Variants in PDE10A observed in about 807,000 individuals in gnomAD.
PDE10A encodes the protein cAMP and cAMP-inhibited cGMP 3',5'-cyclic phosphodiesterase 10A.
In PDE10A, 39 loss-of-function variants were observed where a neutral mutation model predicts 97.7. The ratio of observed to expected loss-of-function variants is 0.40; its 90% CI spans 0.31 to 0.52. PDE10A has a LOEUF of 0.52. Ranked by LOEUF, PDE10A falls within the 20% of genes least tolerant of loss-of-function variation. The pLI, the probability that PDE10A is intolerant of heterozygous loss-of-function variation, is 0.56. For missense variants in PDE10A, 731 were observed against 1,047.8 expected, an observed-to-expected ratio of 0.70 and a Z score of 4.17; for synonymous variants, 371 against 376.8, an observed-to-expected ratio of 0.98 and a Z score of 0.18.
chr6:165,496,313 T>C (rs1780534992), intron 2 of PDE10A, among the ~76,000 whole-genome samples: 1 of 152,132 alleles, frequency 6.6e-6, no homozygotes, highest in African/African-American at 2.4e-5. Flanking sequence ...TCTCAGAACT[T>C]TTCTATGCTC....
intron 1 of PDE10A, among the ~76,000 whole-genome samples, chr6:165,782,877 G>T (rs1484327779): frequency 6.6e-6 from 1 of 152,170 alleles, no homozygotes; most frequent in Non-Finnish European, 1.5e-5. Flanking sequence ...TGGGAACCGT[G>T]TGTGATTTTT....
rs369988978 is a variant in PDE10A, at chr6:165,423,903, C to A, written c.1653+4755G>T. ...GCTTGTCTGAAAATAATAAATCTTCCGTATTATAAAAAAGATCCTCAAAAA... is the reference window on the plus strand; with the variant it reads ...GCTTGTCTGAAAATAATAAATCTTCAGTATTATAAAAAAGATCCTCAAAAA... On this transcript the variant is annotated intron_variant, in intron 10 of 21. Coordinates refer to ENST00000539869, the MANE Select transcript of PDE10A (RefSeq NM_001385079.1). Among the ~76,000 whole-genome samples, 5 of 152,008 alleles carry A rather than the reference C, an allele frequency of 3.3e-5. No individual in the cohort carries two copies. In the East Asian group the frequency reaches 9.7e-4, roughly 29 times the overall value.
upstream of PDE10A, among the ~76,000 whole-genome samples, chr6:165,665,221 C>T (rs2128434339): frequency 6.6e-6 from 1 of 152,358 alleles, no homozygotes; most frequent in Admixed American, 6.5e-5. Flanking sequence ...ACGTTTGTTA[C>T]TGTAAGTCTC....
intron 1 of PDE10A, among the ~76,000 whole-genome samples, chr6:165,901,912 G>A (rs1001788401): frequency 1.3e-5 from 2 of 152,118 alleles, no homozygotes; most frequent in African/African-American, 4.8e-5. Context: ...GACATTAGCT[G>A]ATCTGATATG....
At chr6:165,636,709 A>G (rs1788895919) in intron 1 of PDE10A, among the ~76,000 whole-genome samples, 1 of 152,224 alleles carries the variant, frequency 6.6e-6, no homozygotes, top group South Asian at 2.1e-4. Flanking sequence ...CTGTTTATGC[A>G]TCTGCCCGAA....
At chr6:165,708,373 T>G (rs980439521) in intron 1 of PDE10A, among the ~76,000 whole-genome samples, 5 of 152,034 alleles carry the variant, frequency 3.3e-5, no homozygotes, top group Admixed American at 3.3e-4. Context: ...CAAGGTGATC[T>G]CCTCCAGGAG....
chr6:165,776,461 T>C (rs1276326520), intron 1 of PDE10A, among the ~76,000 whole-genome samples: 2 of 152,254 alleles, frequency 1.3e-5, no homozygotes, highest in Admixed American at 1.3e-4. Context: ...AAATGTTTCA[T>C]TAAAAAATTG....
chr6:165,619,659 ATAGTC>A (rs1433377200), intron 1 of PDE10A, among the ~76,000 whole-genome samples: 13 of 66,408 alleles, frequency 2.0e-4, no homozygotes, highest in African/African-American at 5.0e-4. Context: ...CTAGTGTAGT[ATAGTC>A]TAGTGTAGTG....
intron 1 of PDE10A, among the ~76,000 whole-genome samples, chr6:165,588,278 TTTC>T (rs1370993873): frequency 4.7e-5 from 2 of 42,872 alleles, no homozygotes; most frequent in Non-Finnish European, 1.3e-4. Context: ...GAGATTTTTT[TTTC>T]TTTTTTTTTT....
In PDE10A at chr6:165,662,460, A is replaced by G. The variant is rs1243971755; in HGVS notation, c.352T>C (p.Phe118Leu). Residue 118 changes from phenylalanine to leucine, a missense_variant, in exon 1 of 22, where the codon TTC (phenylalanine) becomes CTC (leucine). Around this residue, in one of 8 missense-constraint regions of PDE10A, gnomAD observed 181 missense variants for 159.1 expected, o/e 1.14. Transcript: ENST00000539869. ...GGGGGCGGGGGGGGCGGCGGCCAGA[A>G]GTAAAAGAAAGATGGAGAGGAGGAG... ...VPSSSPSFFY[F>L]WPPPPPPPPS... 6.8e-6 allele frequency: 1 copy of G among 145,998 alleles called. No homozygotes were observed. The highest frequency in any genetic ancestry group is 2.5e-5 in the African/African-American group (1 of 39,550). 9.0% of individuals were successfully genotyped at this position (145,998 alleles called of 1,614,324 possible).
At chr6:165,354,093 G>A (rs556900175) in intron 18 of PDE10A, among the ~76,000 whole-genome samples, 1 of 152,244 alleles carries the variant, frequency 6.6e-6, no homozygotes, top group African/African-American at 2.4e-5. Flanking sequence ...TGGAAAATTA[G>A]TAGGCTAAGA....
At chr6:165,776,955 CA>C (rs1489172532) in intron 1 of PDE10A, among the ~76,000 whole-genome samples, 1 of 152,180 alleles carries the variant, frequency 6.6e-6, no homozygotes, top group East Asian at 1.9e-4. Context: ...ACACGTGCAA[CA>C]AAATTACACA....
rs372641712 is a variant in PDE10A, at chr6:165,433,114, T to C, written c.1351A>G (p.Arg451Gly). 3 of 1,608,370 alleles carry C rather than the reference T, an allele frequency of 1.9e-6. No individual in the cohort carries two copies. The highest frequency in any genetic ancestry group is 2.2e-5 in the East Asian group (1 of 44,798). ...GTCCCTGATTCCAGTCCAGTACCTC[T>C]TGGAAATCGTTCATCCTGAAAAACA... ...EDILGDERFP[R>G]GTGLESGTRI... Residue 451 changes from arginine to glycine, a missense_variant, in exon 7 of 22, where the codon AGA (arginine) becomes GGA (glycine). Arg to Gly is a moderately radical substitution (Grantham distance 125). Coordinates refer to ENST00000539869, the MANE Select transcript of PDE10A (RefSeq NM_001385079.1).
intron 1 of PDE10A, among the ~76,000 whole-genome samples, chr6:165,805,254 G>A (rs371509847): frequency 6.6e-6 from 1 of 152,112 alleles, no homozygotes; most frequent in African/African-American, 2.4e-5. Flanking sequence ...CTACCCTGGA[G>A]GCAGCGGCTC....
chr6:165,502,227 A>T (rs1224483044), intron 2 of PDE10A, among the ~76,000 whole-genome samples: 3 of 152,248 alleles, frequency 2.0e-5, no homozygotes, highest in Non-Finnish European at 4.4e-5. Flanking sequence ...TACAGTAGAC[A>T]TAAAAGACAC....
chr6:165,498,144 G>A (rs1279830632), intron 2 of PDE10A, among the ~76,000 whole-genome samples: 2 of 151,878 alleles, frequency 1.3e-5, no homozygotes, highest in Non-Finnish European at 2.9e-5. Flanking sequence ...AGGCACCATG[G>A]CTCACAGCTG....
intron 1 of PDE10A, among the ~76,000 whole-genome samples, chr6:165,588,894 A>G (rs1329154872): frequency 6.6e-6 from 1 of 152,236 alleles, no homozygotes. Flanking sequence ...AGACTCTAGC[A>G]TAGCCCTAAC....
At chr6:165,761,072 C>T (rs1052702944) in intron 1 of PDE10A, among the ~76,000 whole-genome samples, 1 of 152,182 alleles carries the variant, frequency 6.6e-6, no homozygotes, top group Non-Finnish European at 1.5e-5. Flanking sequence ...TGGCCTCTCC[C>T]GTTCCCGGGT....
intron 1 of PDE10A, among the ~76,000 whole-genome samples, chr6:165,564,072 T>C (rs992638579): frequency 6.6e-6 from 1 of 152,162 alleles, no homozygotes; most frequent in Admixed American, 6.5e-5. Flanking sequence ...TAATAAAAAA[T>C]TGCTGAGCCA....
Sources: gnomAD v4.1 joint callset for allele counts (sites outside exome capture counted in the v4.1 genomes callset) on GRCh38, gnomAD v4.1.1 for gene constraint, gnomAD v4.1.1 regional missense constraint, MANE v1.5 for transcripts, NCBI Gene and HGNC (gene_info 2026-07-23, HGNC 2026-07-21) for gene names.